The following RNF152 variants were observed in gnomAD, a reference collection of about 807,000 sequenced individuals.
RNF152 encodes the protein E3 ubiquitin-protein ligase RNF152.
RNF152 carries 11 observed loss-of-function variants against 12.7 expected under a neutral mutation model. The observed-to-expected ratio is 0.86, with a 90% CI of 0.54 to 1.43. The LOEUF (loss-of-function observed/expected upper bound fraction) is 1.43. Ranked by LOEUF, RNF152 falls within the 40% of genes most tolerant of loss-of-function variation. RNF152 has a pLI of 0.00. For missense variants in RNF152, 255 were observed against 274.8 expected (o/e 0.93, Z 0.51); for synonymous variants, 113 against 120.3 (o/e 0.94, Z 0.40).
intron 1 of RNF152, among the ~76,000 whole-genome samples, chr18:61,883,358 C>A (rs990935405): frequency 1.3e-5 from 2 of 152,076 alleles, no homozygotes; most frequent in African/African-American, 4.8e-5. Flanking sequence ...GCCTAGATTC[C>A]TTGCCTTTAT....
In RNF152 at chr18:61,880,118, C is replaced by T. The variant is rs1190340466; in HGVS notation, c.-136+12677G>A. Among the ~76,000 whole-genome samples, 5 of 152,294 alleles carry T rather than the reference C, an allele frequency of 3.3e-5. No individual in the cohort carries two copies. The East Asian group carries it at 5.8e-4, about 18-fold the overall frequency. On this transcript the variant is annotated intron_variant, in intron 1 of 1. Coordinates refer to ENST00000312828, the MANE Select transcript of RNF152 (RefSeq NM_173557.3). The stretch of plus-strand genomic sequence containing the variant: ...TCTAGAAACAATTCACACCACCTGA[C>T]TTCACAGAAACCTGAATTAGCACAG...
chr18:61,892,985 G>C lies in RNF152; in HGVS notation c.-326C>G, dbSNP rs1365671179. 1 of 152,420 alleles carries C rather than the reference G, an allele frequency of 6.6e-6. No homozygotes were observed. Among genetic ancestry groups the C allele is most frequent in the Non-Finnish European group, 1.5e-5 (1 of 68,238 alleles). The allele number at this position is 152,420 out of a possible 1,614,324, so 9.4% of individuals were successfully genotyped here. On this transcript the variant is annotated 5_prime_UTR_variant, in exon 1 of 2. Transcript: ENST00000312828. ...GAGAAGGAAATCCAAGCGCCCTCCTGGGCAGACGGGGCTGGAGCGGGTGCA... is the reference window on the plus strand; with the variant it reads ...GAGAAGGAAATCCAAGCGCCCTCCTCGGCAGACGGGGCTGGAGCGGGTGCA...
chr18:61,881,200 C>G (rs1485556380), intron 1 of RNF152, among the ~76,000 whole-genome samples: 3 of 152,188 alleles, frequency 2.0e-5, no homozygotes, highest in Non-Finnish European at 2.9e-5. Context: ...GTGTGATCCA[C>G]CGCACCCGGC....
intron 1 of RNF152, among the ~76,000 whole-genome samples, chr18:61,822,003 T>C (rs939192180): frequency 3.5e-4 from 53 of 152,310 alleles, no homozygotes; most frequent in African/African-American, 1.3e-3. Flanking sequence ...TTTGGCCTTG[T>C]TTTCCTTACA....
intron 1 of RNF152, among the ~76,000 whole-genome samples, chr18:61,845,755 A>C (rs1910716096): frequency 6.6e-6 from 1 of 152,174 alleles, no homozygotes; most frequent in Non-Finnish European, 1.5e-5. Flanking sequence ...CTCCTCATTG[A>C]AACCCTCCTC....
intron 1 of RNF152, among the ~76,000 whole-genome samples, chr18:61,824,239 T>C (rs939862512): frequency 6.6e-6 from 1 of 152,256 alleles, no homozygotes; most frequent in African/African-American, 2.4e-5. Context: ...GTTACATAGA[T>C]AGGTTACCTT....
In RNF152 at chr18:61,815,242, A is replaced by G. The variant is rs1250006742; in HGVS notation, c.*610T>C. On this transcript the variant is annotated 3_prime_UTR_variant, in exon 2 of 2. Transcript: ENST00000312828. ...CAAGTGAAGAAAATGAAGGTTCATG[A>G]CAAAACACAACACATTGGAGACACT... The G allele has an allele frequency of 6.6e-6, 1 of 152,658 alleles. No individual in the cohort carries two copies. Among genetic ancestry groups the G allele is most frequent in the African/African-American group, 2.4e-5 (1 of 41,464 alleles). The allele number at this position is 152,658 out of a possible 1,614,324, so 9.5% of individuals were successfully genotyped here. A position where few individuals can be genotyped will look rare whatever the true frequency, so the allele number is the denominator to read the frequency against.
intron 1 of RNF152, among the ~76,000 whole-genome samples, chr18:61,866,233 C>A (rs1384809467): frequency 6.6e-6 from 1 of 152,168 alleles, no homozygotes; most frequent in Non-Finnish European, 1.5e-5. Context: ...AACCATCCAA[C>A]CTACTGCTTC....
At position 61,830,147 on chromosome 18, in the gene RNF152, G is replaced by A. The variant is rs149358437; in HGVS notation, c.-135-13549C>T. Among the ~76,000 whole-genome samples the A allele has an allele frequency of 5.6e-3, 846 of 151,628 alleles. 1 individual carries two copies. The highest frequency in any genetic ancestry group is 7.8e-3 in the Non-Finnish European group (528 of 67,906). On this transcript the variant is annotated intron_variant, in intron 1 of 1. Coordinates refer to ENST00000312828, the MANE Select transcript of RNF152 (RefSeq NM_173557.3). ...AGGGATTCTCCTGCCTCAGACTCCC[G>A]GGTAGCTGGGACTACAGGCACACAC...
At chr18:61,886,825 A>C (rs1047003525) in intron 1 of RNF152, among the ~76,000 whole-genome samples, 10 of 152,262 alleles carry the variant, frequency 6.6e-5, no homozygotes, top group Non-Finnish European at 2.9e-5. Flanking sequence ...AAGACAATCT[A>C]TGACAAGTGG....
intron 1 of RNF152, among the ~76,000 whole-genome samples, chr18:61,855,345 A>T (rs747612681): frequency 6.6e-6 from 1 of 152,248 alleles, no homozygotes; most frequent in African/African-American, 2.4e-5. Context: ...TATCATAGTG[A>T]TGGCAGAAGC....
intron 1 of RNF152, among the ~76,000 whole-genome samples, chr18:61,840,778 A>T (rs1157531804): frequency 6.6e-6 from 1 of 152,198 alleles, no homozygotes; most frequent in African/African-American, 2.4e-5. Flanking sequence ...CTTTCCCTAC[A>T]TTAATCTCTA....
At chr18:61,821,867 A>G (rs1459338955) in intron 1 of RNF152, among the ~76,000 whole-genome samples, 1 of 152,174 alleles carries the variant, frequency 6.6e-6, no homozygotes, top group Admixed American at 6.5e-5. Flanking sequence ...ATGCCTGATG[A>G]TCTGAGGTGG....
At chr18:61,864,496 A>G (rs551498430) in intron 1 of RNF152, among the ~76,000 whole-genome samples, 1 of 152,262 alleles carries the variant, frequency 6.6e-6, no homozygotes, top group South Asian at 2.1e-4. Context: ...CCAGCTCCTC[A>G]AAGTGTTCAC....
chr18:61,825,406 A>T lies in RNF152; in HGVS notation c.-135-8808T>A, dbSNP rs578091647. ...GTCAGAGCCAGAAAGGACATTTGGA[A>T]TTTAAGGAGCCTACAAGCTGGCCCA... On this transcript the variant is annotated intron_variant, in intron 1 of 1. Transcript: ENST00000312828. Among the ~76,000 whole-genome samples the T allele has an allele frequency of 3.9e-5, 6 of 152,328 alleles. No homozygotes were observed. The East Asian group carries it at 9.7e-4, about 25-fold the overall frequency.
rs1488418987 is a variant in RNF152 at position 61,814,188 on chromosome 18, T to G, written c.*1664A>C. ...TCACATTAATTCCATCACTTTTATA[T>G]GCATATTTTGTGCTGCTTGAAGATA... On this transcript the variant is annotated 3_prime_UTR_variant, in exon 2 of 2. Transcript: ENST00000312828. 6.6e-6 allele frequency: 1 copy of G among 152,254 alleles called. No individual in the cohort carries two copies. Among genetic ancestry groups the G allele is most frequent in the Non-Finnish European group, 1.5e-5 (1 of 68,046 alleles). 9.4% of individuals were successfully genotyped at this position (152,254 alleles called of 1,614,324 possible).
chr18:61,844,717 G>A lies in RNF152; in HGVS notation c.-135-28119C>T, dbSNP rs192881556. On this transcript the variant is annotated intron_variant, in intron 1 of 1. Transcript: ENST00000312828. ...GAGAATAAGTGTAACCATAGCACGG[G>A]TCGGTAGGTCATATGTGCTTAAAAC... 3.3e-5 allele frequency among the ~76,000 whole-genome samples: 5 copies of A among 152,300 alleles called. No homozygotes were observed. The East Asian group carries it at 9.7e-4, about 29-fold the overall frequency.
intron 1 of RNF152, among the ~76,000 whole-genome samples, chr18:61,817,231 A>G (rs1433363091): frequency 6.6e-6 from 1 of 152,248 alleles, no homozygotes; most frequent in African/African-American, 2.4e-5. Flanking sequence ...AAAAAACCCC[A>G]AACAGCAACA....
At chr18:61,881,041 G>A (rs1347674672) in intron 1 of RNF152, among the ~76,000 whole-genome samples, 1 of 151,514 alleles carries the variant, frequency 6.6e-6, no homozygotes, top group Non-Finnish European at 1.5e-5. Flanking sequence ...AGCCTCCCAA[G>A]TAGCTGGGAT....
Sources: allele counts gnomAD v4.1 joint callset (sites outside exome capture counted in the v4.1 genomes callset), GRCh38; gene constraint gnomAD v4.1.1; transcripts MANE v1.5; gene names NCBI Gene and HGNC (gene_info 2026-07-23, HGNC 2026-07-21).